ZNF766: variants seen among roughly 807,000 people sequenced by gnomAD.
ZNF766 encodes zinc finger protein 766.
ZNF766 carries 13 observed loss-of-function variants against 13.2 expected under a neutral mutation model. The ratio of observed to expected loss-of-function variants is 0.98; its 90% CI spans 0.64 to 1.56. The LOEUF (loss-of-function observed/expected upper bound fraction) is 1.56. ZNF766 is among the 40% of genes most tolerant of loss of function. ZNF766 has a pLI of 0.00. For missense variants in ZNF766, 521 were observed against 552.2 expected (o/e 0.94, Z 0.57); for synonymous variants, 178 against 187.6 (o/e 0.95, Z 0.42).
rs749374998 is a variant in ZNF766, at chr19:52,293,599, TCTCTA to T, written c.*2406_*2410del. 1 of 147,576 alleles carries T rather than the reference TCTCTA, an allele frequency of 6.8e-6. No individual in the cohort carries two copies. The highest frequency in any genetic ancestry group is 1.5e-5 in the Non-Finnish European group (1 of 66,314). The allele number at this position is 147,576 out of a possible 1,614,324, so 9.1% of individuals were successfully genotyped here. A position where few individuals can be genotyped will look rare whatever the true frequency, so the allele number is the denominator to read the frequency against. On this transcript the variant is annotated 3_prime_UTR_variant, in exon 4 of 4. Transcript: ENST00000439461. ...ATAATACTTAGTACTTAAGTTATTCTCTCTACTCTTTGTTTTTGTTTTTTGTTTGT... is the reference window on the plus strand; with the variant it reads ...ATAATACTTAGTACTTAAGTTATTCTCTCTTTGTTTTTGTTTTTTGTTTGT...
intron 1 of ZNF766, among the ~76,000 whole-genome samples, chr19:52,272,463 T>G (rs1981017561): frequency 6.6e-6 from 1 of 152,054 alleles, no homozygotes; most frequent in Non-Finnish European, 1.5e-5. Context: ...TTTAGGTCTT[T>G]TTCATTTTTG....
Position 52,293,018 on chromosome 19 carries a change from A to AGGTGTTCT in ZNF766, c.*1821_*1828dup, listed in dbSNP as rs1275944172. The AGGTGTTCT allele has an allele frequency of 2.0e-5, 3 of 151,068 alleles. No homozygotes were observed. Among genetic ancestry groups the AGGTGTTCT allele is most frequent in the Non-Finnish European group, 4.4e-5 (3 of 67,728 alleles). 9.4% of individuals were successfully genotyped at this position (151,068 alleles called of 1,614,324 possible). A position where few individuals can be genotyped will look rare whatever the true frequency, so the allele number is the denominator to read the frequency against. ...GTGTGATGTTACCCGCCTTGTGTCC[A>AGGTGTTCT]GGTGTTCTCATTGATCAATTCCCAC... On this transcript the variant is annotated 3_prime_UTR_variant, in exon 4 of 4. Transcript: ENST00000439461.
chr19:52,275,804 C>T (rs953456045), intron 1 of ZNF766, among the ~76,000 whole-genome samples: 1 of 151,966 alleles, frequency 6.6e-6, no homozygotes, highest in African/African-American at 2.4e-5. Flanking sequence ...CCTCAGCCTC[C>T]CGAGTAGCTG....
At chr19:52,278,541 C>T (rs748814238) in intron 1 of ZNF766, among the ~76,000 whole-genome samples, 16 of 152,076 alleles carry the variant, frequency 1.1e-4, no homozygotes, top group Non-Finnish European at 1.9e-4. Context: ...GTAGCTGGGA[C>T]TACAGGCCCC....
intron 3 of ZNF766, among the ~76,000 whole-genome samples, chr19:52,285,367 C>CT (rs1981763091): frequency 6.6e-6 from 1 of 152,180 alleles, no homozygotes; most frequent in African/African-American, 2.4e-5. Context: ...GTCTCCAAGA[C>CT]TTGCCCCCCT....
chr19:52,291,832 T>C lies in ZNF766; in HGVS notation c.*634T>C. On this transcript the variant is annotated 3_prime_UTR_variant, in exon 4 of 4. Coordinates refer to ENST00000439461, the MANE Select transcript of ZNF766 (RefSeq NM_001010851.3). Reference sequence around the variant, plus strand: ...GTTCATGCCTATAATCTCAGCACAATAGAAAGCCAAGACAGGAGGGTCACT... The same window carrying C: ...GTTCATGCCTATAATCTCAGCACAACAGAAAGCCAAGACAGGAGGGTCACT... 7.2e-6 allele frequency: 2 copies of C among 278,636 alleles called. No homozygotes were observed. The highest frequency in any genetic ancestry group is 1.3e-5 in the Non-Finnish European group (2 of 150,084). The allele number at this position is 278,636 out of a possible 1,614,324, so 17.3% of individuals were successfully genotyped here.
At chr19:52,277,848 A>C (rs545490257) in intron 1 of ZNF766, among the ~76,000 whole-genome samples, 1 of 152,196 alleles carries the variant, frequency 6.6e-6, no homozygotes, top group East Asian at 1.9e-4. Flanking sequence ...TTCAGGGGCC[A>C]CATCTGGATG....
At chr19:52,274,898 A>T (rs1200124075) in intron 1 of ZNF766, among the ~76,000 whole-genome samples, 1 of 152,202 alleles carries the variant, frequency 6.6e-6, no homozygotes, top group Non-Finnish European at 1.5e-5. Context: ...ACAGTTAAAG[A>T]TATAGCAGAA....
At chr19:52,283,445 C>T in intron 3 of ZNF766, 32 bp downstream of exon 3, 2 of 1,490,510 alleles carry the variant, frequency 1.3e-6, no homozygotes, top group Non-Finnish European at 1.8e-6. Context: ...GTGAAAGCCA[C>T]ACTTTTTTTT....
At chr19:52,281,438 G>A (rs528650216) in intron 1 of ZNF766, 3 of 282,632 alleles carry the variant, frequency 1.1e-5, no homozygotes, top group East Asian at 2.8e-4. Flanking sequence ...AGAATTACTT[G>A]AACCTAGGAG....
chr19:52,277,398 G>A lies in ZNF766; in HGVS notation c.19-4713G>A. The stretch of plus-strand genomic sequence containing the variant: ...GGTGTGAACCCGGGAGGCGGAGCTT[G>A]CAGTGAGCTGAGATCGGGCCACGGC... On this transcript the variant is annotated intron_variant, in intron 1 of 3. Transcript: ENST00000439461. 3.8e-6 allele frequency: 5 copies of A among 1,326,920 alleles called. No homozygotes were observed. The Admixed American group carries it at 1.0e-4, about 27-fold the overall frequency. The allele number at this position is 1,326,920 out of a possible 1,614,324, so 82.2% of individuals were successfully genotyped here. A position where few individuals can be genotyped will look rare whatever the true frequency, so the allele number is the denominator to read the frequency against.
At position 52,295,548 on chromosome 19, in the gene ZNF766, A is replaced by G. The variant is rs1463158619; in HGVS notation, c.*4350A>G. 6.6e-6 allele frequency: 1 copy of G among 152,220 alleles called. No individual in the cohort carries two copies. The highest frequency in any genetic ancestry group is 2.4e-5 in the African/African-American group (1 of 41,458). 9.4% of individuals were successfully genotyped at this position (152,220 alleles called of 1,614,324 possible). ...TAGTGAAAATTTTAGGGGACACAAA[A>G]ATGAGACTGTTGTTTGGAGACAATA... is the stretch of plus-strand genomic sequence containing the variant. On this transcript the variant is annotated 3_prime_UTR_variant, in exon 4 of 4. Transcript: ENST00000439461.
intron 1 of ZNF766, among the ~76,000 whole-genome samples, chr19:52,271,307 T>C (rs563127918): frequency 2.2e-4 from 34 of 152,274 alleles, no homozygotes; most frequent in African/African-American, 7.9e-4. Flanking sequence ...TCTGATTCTA[T>C]CTCCAGGTAG....
At position 52,291,421 on chromosome 19, in the gene ZNF766, G is replaced by A. The variant is rs1982139125; in HGVS notation, c.*223G>A. 2.0e-6 allele frequency: 1 copy of A among 501,852 alleles called. No individual in the cohort carries two copies. The highest frequency in any genetic ancestry group is 3.7e-5 in the Admixed American group (1 of 26,732). The allele number at this position is 501,852 out of a possible 1,614,324, so 31.1% of individuals were successfully genotyped here. A position where few individuals can be genotyped will look rare whatever the true frequency, so the allele number is the denominator to read the frequency against. On this transcript the variant is annotated 3_prime_UTR_variant, in exon 4 of 4. Coordinates refer to ENST00000439461, the MANE Select transcript of ZNF766 (RefSeq NM_001010851.3). Reference sequence around the variant, plus strand: ...AACCTAATGATATGATGTGTATAAAGGGTGCAAGGACACGTGGAAATGATC... The same window carrying A: ...AACCTAATGATATGATGTGTATAAAAGGTGCAAGGACACGTGGAAATGATC...
In ZNF766 at chr19:52,292,363, G is replaced by C; in HGVS notation, c.*1165G>C. On this transcript the variant is annotated 3_prime_UTR_variant, in exon 4 of 4. Transcript: ENST00000439461. Reference sequence around the variant, plus strand: ...CAGTTAGCACACACTTTTCCTGACAGGCACAGTGCTGCTGTGCTCTACAAA... The same window carrying C: ...CAGTTAGCACACACTTTTCCTGACACGCACAGTGCTGCTGTGCTCTACAAA... The C allele has an allele frequency of 1.7e-6, 1 of 599,054 alleles. No homozygotes were observed. Among genetic ancestry groups the C allele is most frequent in the Non-Finnish European group, 3.0e-6 (1 of 336,858 alleles). 37.1% of individuals were successfully genotyped at this position (599,054 alleles called of 1,614,324 possible).
In ZNF766 at chr19:52,292,823, T is replaced by C. The variant is rs777796849; in HGVS notation, c.*1625T>C. 6.6e-6 allele frequency: 1 copy of C among 152,236 alleles called. No individual in the cohort carries two copies. The highest frequency in any genetic ancestry group is 1.5e-5 in the Non-Finnish European group (1 of 68,050). 9.4% of individuals were successfully genotyped at this position (152,236 alleles called of 1,614,324 possible). A position where few individuals can be genotyped will look rare whatever the true frequency, so the allele number is the denominator to read the frequency against. On this transcript the variant is annotated 3_prime_UTR_variant, in exon 4 of 4. Coordinates refer to ENST00000439461, the MANE Select transcript of ZNF766 (RefSeq NM_001010851.3). ...GGCACCATTAGGATTTTTAAATTAA[T>C]TTATTTTTAAAATTAAAGTTCTAGT...
intron 1 of ZNF766, chr19:52,277,620 C>T: frequency 6.8e-7 from 1 of 1,459,894 alleles, no homozygotes; most frequent in Non-Finnish European, 9.3e-7. Context: ...AGAATCTTCT[C>T]TGAGTCTGAA....
chr19:52,294,417 C>G lies in ZNF766; in HGVS notation c.*3219C>G, dbSNP rs1180804076. ...GTTTGGGTATTGAGAATGATGATGCCATTCACTAATGTGATCTCAAAATGT... is the reference window on the plus strand; with the variant it reads ...GTTTGGGTATTGAGAATGATGATGCGATTCACTAATGTGATCTCAAAATGT... On this transcript the variant is annotated 3_prime_UTR_variant, in exon 4 of 4. Coordinates refer to ENST00000439461, the MANE Select transcript of ZNF766 (RefSeq NM_001010851.3). 6.6e-6 allele frequency: 1 copy of G among 152,156 alleles called. No individual in the cohort carries two copies. The highest frequency in any genetic ancestry group is 1.5e-5 in the Non-Finnish European group (1 of 68,032). 9.4% of individuals were successfully genotyped at this position (152,156 alleles called of 1,614,324 possible).
chr19:52,289,522 G>T (rs928061634), intron 3 of ZNF766, among the ~76,000 whole-genome samples: 3 of 152,092 alleles, frequency 2.0e-5, no homozygotes, highest in Non-Finnish European at 4.4e-5. Context: ...AATTTCTGTT[G>T]TATTTCTCTA....
Sources: gnomAD v4.1 joint callset for allele counts (sites outside exome capture counted in the v4.1 genomes callset) on GRCh38, gnomAD v4.1.1 for gene constraint, MANE v1.5 for transcripts, NCBI Gene and HGNC (gene_info 2026-07-23, HGNC 2026-07-21) for gene names.